Variants in PPP2R3A observed in about 807,000 individuals in gnomAD.
PPP2R3A encodes protein phosphatase 2 regulatory subunit B''alpha.
PPP2R3A carries 80 observed loss-of-function variants against 106.9 expected under a neutral mutation model. That is an observed-to-expected ratio of 0.75 (90% confidence interval 0.62 to 0.90). The LOEUF is 0.90. Among genes scored for constraint, PPP2R3A ranks in the 40% least tolerant of loss-of-function variants. PPP2R3A has a pLI of 0.00. For missense variants in PPP2R3A, 1,386 were observed against 1,350.4 expected, an observed-to-expected ratio of 1.03 and a Z score of -0.41; for synonymous variants, 483 against 468.3, an observed-to-expected ratio of 1.03 and a Z score of -0.41.
At position 136,086,175 on chromosome 3, in the gene PPP2R3A, A is replaced by G. The variant is rs149973088; in HGVS notation, c.2789-1708A>G. ...TTGTATATGATGTCAGGTTTCATAG[A>G]GCTTTGCGTATTTAAGAAATAAAGT... On this transcript the variant is annotated intron_variant, in intron 8 of 13. Transcript: ENST00000264977. Among the ~76,000 whole-genome samples the G allele has an allele frequency of 2.0e-3, 305 of 151,448 alleles. 1 individual carries two copies. The highest frequency in any genetic ancestry group is 3.9e-3 in the Non-Finnish European group (266 of 67,824).
rs769574679 is a variant in PPP2R3A, at chr3:136,145,374, C to G, written c.*208C>G. The G allele has an allele frequency of 1.3e-4, 58 of 455,430 alleles. No individual in the cohort carries two copies. The highest frequency in any genetic ancestry group is 1.9e-4 in the Non-Finnish European group (52 of 268,906). The allele number at this position is 455,430 out of a possible 1,614,324, so 28.2% of individuals were successfully genotyped here. On this transcript the variant is annotated 3_prime_UTR_variant, in exon 14 of 14. Coordinates refer to ENST00000264977, the MANE Select transcript of PPP2R3A (RefSeq NM_002718.5). ...AATTTGCCTCAAACCTCTTACGGAG[C>G]TTCTCCTCAGAAGTGGTACCATCGC...
intron 1 of PPP2R3A, among the ~76,000 whole-genome samples, chr3:135,982,182 T>C (rs538216779): frequency 1.3e-5 from 2 of 151,618 alleles, no homozygotes; most frequent in Non-Finnish European, 2.9e-5. Flanking sequence ...GCTGCACATG[T>C]GGCAGTTGGC....
intron 1 of PPP2R3A, among the ~76,000 whole-genome samples, chr3:135,997,361 C>T (rs1426425386): frequency 6.6e-6 from 1 of 152,158 alleles, no homozygotes; most frequent in Non-Finnish European, 1.5e-5. Context: ...CATAAAACTG[C>T]TTTCTCCTGG....
intron 13 of PPP2R3A, among the ~76,000 whole-genome samples, chr3:136,135,600 G>A (rs1380717239): frequency 2.0e-5 from 3 of 152,176 alleles, no homozygotes; most frequent in Non-Finnish European, 4.4e-5. Flanking sequence ...CCACTCACCA[G>A]CTGGGCAGGT....
intron 5 of PPP2R3A, among the ~76,000 whole-genome samples, chr3:136,070,151 C>T (rs574243815): frequency 1.3e-5 from 2 of 152,098 alleles, no homozygotes; most frequent in African/African-American, 2.4e-5. Flanking sequence ...CATAATACCT[C>T]GACAATAATC....
At chr3:136,088,031 G>A in intron 9 of PPP2R3A, 100 bp downstream of exon 9, 2 of 926,958 alleles carry the variant, frequency 2.2e-6, no homozygotes, top group South Asian at 3.1e-5. Flanking sequence ...CAGTGCTATT[G>A]GACCAAATAA....
intron 13 of PPP2R3A, among the ~76,000 whole-genome samples, chr3:136,116,720 A>G (rs984607675): frequency 2.6e-5 from 4 of 152,242 alleles, no homozygotes; most frequent in African/African-American, 7.2e-5. Context: ...CACCCAATAC[A>G]GGAGCACCCA....
At chr3:136,021,734 A>G (rs1370145032) in intron 2 of PPP2R3A, among the ~76,000 whole-genome samples, 3 of 152,182 alleles carry the variant, frequency 2.0e-5, no homozygotes, top group East Asian at 1.9e-4. Context: ...CTCTGTATCA[A>G]TGTGTTCTAC....
intron 1 of PPP2R3A, among the ~76,000 whole-genome samples, chr3:135,985,959 T>C (rs571470644): frequency 1.4e-4 from 22 of 152,170 alleles, no homozygotes; most frequent in Non-Finnish European, 2.5e-4. Flanking sequence ...TAAGGAACGA[T>C]AGTAGGCAGT....
chr3:136,140,981 G>A lies in PPP2R3A; in HGVS notation c.3330-4062G>A, dbSNP rs145731966. ...ATTTTACTGACTCCAATCCTGTCCC[G>A]GCAACTCTACACATTGTTTCACAAG... is the stretch of plus-strand genomic sequence containing the variant. On this transcript the variant is annotated intron_variant, in intron 13 of 13. Coordinates refer to ENST00000264977, the MANE Select transcript of PPP2R3A (RefSeq NM_002718.5). Among the ~76,000 whole-genome samples, 610 of 152,192 alleles carry A rather than the reference G, an allele frequency of 4.0e-3. 5 individuals carry two copies. Among genetic ancestry groups the A allele is most frequent in the African/African-American group, 0.012 (494 of 41,490 alleles).
In PPP2R3A at chr3:136,001,639, A is replaced by G. The variant is rs1225980114; in HGVS notation, c.141A>G (p.Val47=). 2 of 1,614,170 alleles carry G rather than the reference A, an allele frequency of 1.2e-6. No homozygotes were observed. Among genetic ancestry groups the G allele is most frequent in the Non-Finnish European group, 8.5e-7 (1 of 1,180,024 alleles). The change falls in exon 2 of 14, where the codon GTA becomes GTG. Residue 47 remains valine (V), a synonymous_variant. Coordinates refer to ENST00000264977, the MANE Select transcript of PPP2R3A (RefSeq NM_002718.5). Reference sequence around the variant, plus strand: ...CACATGGAATTGACTGCATTGTGGTACACCATAGTGTTTGTGCAGACCTCT... The same window carrying G: ...CACATGGAATTGACTGCATTGTGGTGCACCATAGTGTTTGTGCAGACCTCT... ...TFTHGIDCIV[V]HHSVCADLLH...
chr3:136,058,996 G>A (rs1935978967), intron 5 of PPP2R3A, among the ~76,000 whole-genome samples: 1 of 152,082 alleles, frequency 6.6e-6, no homozygotes, highest in African/African-American at 2.4e-5. Context: ...AACTCAAGAT[G>A]GATTAAAACG....
intron 1 of PPP2R3A, among the ~76,000 whole-genome samples, chr3:135,988,736 A>G (rs1933031132): frequency 6.6e-6 from 1 of 152,182 alleles, no homozygotes; most frequent in Admixed American, 6.6e-5. Flanking sequence ...AGAATGATCC[A>G]TACTATGAAT....
chr3:136,119,845 A>T (rs1937924296), intron 13 of PPP2R3A, among the ~76,000 whole-genome samples: 1 of 152,228 alleles, frequency 6.6e-6, no homozygotes, highest in African/African-American at 2.4e-5. Flanking sequence ...TGACCCAGCA[A>T]TTCCATTACT....
At chr3:136,102,215 C>T in intron 11 of PPP2R3A, 33 bp downstream of exon 11, 2 of 1,607,404 alleles carry the variant, frequency 1.2e-6, no homozygotes, top group Non-Finnish European at 1.7e-6. Flanking sequence ...ATGCACTGTT[C>T]ACCTATGTAT....
intron 3 of PPP2R3A, among the ~76,000 whole-genome samples, chr3:136,031,297 A>G (rs1934882250): frequency 6.6e-6 from 1 of 152,070 alleles, no homozygotes; most frequent in Admixed American, 6.6e-5. Context: ...TTTATTGGCC[A>G]TTTGTATATC....
rs890300678 is a variant in PPP2R3A at position 136,146,380 on chromosome 3, ATTTT to A, written c.*1221_*1224del. On this transcript the variant is annotated 3_prime_UTR_variant, in exon 14 of 14. Transcript: ENST00000264977. ...TGTCAGTCATCAACTTTTCCCCTAGATTTTTTTTTTAACTAGTTCTGAAAGTGTC... is the reference window on the plus strand; with the variant it reads ...TGTCAGTCATCAACTTTTCCCCTAGATTTTTTAACTAGTTCTGAAAGTGTC... 3 of 150,722 alleles carry A rather than the reference ATTTT, an allele frequency of 2.0e-5. No homozygotes were observed. The highest frequency in any genetic ancestry group is 2.4e-5 in the African/African-American group (1 of 41,024). 9.3% of individuals were successfully genotyped at this position (150,722 alleles called of 1,614,324 possible).
At position 136,145,161 on chromosome 3, in the gene PPP2R3A, G is replaced by T. The variant is rs943050747; in HGVS notation, c.3448G>T (p.Glu1150Ter). Reference protein sequence around the residue: ...KCGKLQSVDEE With the variant: ...KCGKLQSVDE Reference sequence around the variant, plus strand: ...TGGAAAGCTTCAATCAGTGGATGAAGAATAGCTGCCGGTGTCTACAATGAA... The same window carrying T: ...TGGAAAGCTTCAATCAGTGGATGAATAATAGCTGCCGGTGTCTACAATGAA... The change falls in exon 14 of 14, where the codon GAA becomes TAA. Residue 1150 changes from glutamate (E) to a stop codon, truncating the protein, a stop_gained. Coordinates refer to ENST00000264977, the MANE Select transcript of PPP2R3A (RefSeq NM_002718.5). LOFTEE classifies it high-confidence loss of function. 1.2e-6 allele frequency: 2 copies of T among 1,608,714 alleles called. No homozygotes were observed. The highest frequency in any genetic ancestry group is 8.5e-7 in the Non-Finnish European group (1 of 1,178,496).
chr3:136,023,031 G>A, intron 2 of PPP2R3A: 1 of 1,611,348 alleles, frequency 6.2e-7, no homozygotes, highest in Non-Finnish European at 8.5e-7. Context: ...CTTCAGAAGT[G>A]TGCTGGACAG....
Sources: allele counts gnomAD v4.1 joint callset (sites outside exome capture counted in the v4.1 genomes callset), GRCh38; gene constraint gnomAD v4.1.1; transcripts MANE v1.5; gene names NCBI Gene and HGNC (gene_info 2026-07-23, HGNC 2026-07-21).